Variants in CUX2 observed in about 807,000 individuals in gnomAD.
CUX2 encodes cut like homeobox 2.
Under a neutral mutation model 144.8 loss-of-function variants are expected in CUX2, and 40 were observed. The observed-to-expected ratio is 0.28, with a 90% confidence interval of 0.21 to 0.36. The LOEUF (loss-of-function observed/expected upper bound fraction) is 0.36. Ranked by LOEUF, CUX2 falls within the 10% of genes least tolerant of loss-of-function variation. CUX2 has a pLI of 1.00. For synonymous variants in CUX2, 827 were observed against 875.6 expected, an observed-to-expected ratio of 0.94 and a Z score of 0.98; for missense variants, 1,615 against 1,994.0, an observed-to-expected ratio of 0.81 and a Z score of 3.62.
chr12:111,314,277 A>G (rs943305436), intron 16 of CUX2, among the ~76,000 whole-genome samples: 3 of 152,170 alleles, frequency 2.0e-5, no homozygotes, highest in Admixed American at 6.5e-5. Context: ...ATAACTAGCC[A>G]GGGCTGGGTG....
chr12:111,087,983 A>G (rs948305463), intron 1 of CUX2, among the ~76,000 whole-genome samples: 2 of 152,228 alleles, frequency 1.3e-5, no homozygotes, highest in Non-Finnish European at 2.9e-5. Flanking sequence ...GGAACGAACT[A>G]TTGATAAGCT....
chr12:111,179,593 GGTT>G (rs150316221), intron 1 of CUX2, among the ~76,000 whole-genome samples: 26,003 of 151,272 alleles, frequency 0.17, 2,441 homozygotes, highest in East Asian at 0.43. Context: ...CCATCGCCGT[GGTT>G]GTTGTTGTTG....
rs550827337 is a variant in CUX2, at chr12:111,089,083, G to A, written c.63+54843G>A. Among the ~76,000 whole-genome samples, 75 of 152,322 alleles carry A rather than the reference G, an allele frequency of 4.9e-4. No individual in the cohort carries two copies. The Middle Eastern group carries it at 0.01, about 21-fold the overall frequency. On this transcript the variant is annotated intron_variant, in intron 1 of 21. Transcript: ENST00000261726. ...AGGAGACTGAGGCACGGGGCGAAGG[G>A]ACCTGCAGGATATTCCAAGTGGAGA...
chr12:111,098,486 A>C (rs1032622672), intron 1 of CUX2, among the ~76,000 whole-genome samples: 1 of 152,070 alleles, frequency 6.6e-6, no homozygotes, highest in Non-Finnish European at 1.5e-5. Flanking sequence ...TCCCGGGTAC[A>C]GGCCAACGAG....
At chr12:111,127,797 A>G (rs1875186740) in intron 1 of CUX2, among the ~76,000 whole-genome samples, 1 of 152,316 alleles carries the variant, frequency 6.6e-6, no homozygotes, top group African/African-American at 2.4e-5. Context: ...CCTCACAATC[A>G]TGGCAGAAGG....
At position 111,348,228 on chromosome 12, in the gene CUX2, TGCA is replaced by T; in HGVS notation, c.4367_4369del (p.Gln1456del). ...CCCAGTGCCAAGGTGAACCCCAACT[TGCA>T]GCGGCGGCATGAGAAGATGGCCAAT... On this transcript the variant is annotated inframe_deletion, in exon 22 of 22. Coordinates refer to ENST00000261726, the MANE Select transcript of CUX2 (RefSeq NM_015267.4). 6.2e-6 allele frequency: 10 copies of T among 1,613,972 alleles called. No individual in the cohort carries two copies. Among genetic ancestry groups the T allele is most frequent in the Non-Finnish European group, 8.5e-6 (10 of 1,180,014 alleles).
At position 111,171,591 on chromosome 12, in the gene CUX2, C is replaced by T. The variant is rs79589630; in HGVS notation, c.64-42609C>T. ...GTCTCCGGAGCACAGCCACCTGACACATCTGGGGCTATGGGACGGAAAAGC... is the reference window on the plus strand; with the variant it reads ...GTCTCCGGAGCACAGCCACCTGACATATCTGGGGCTATGGGACGGAAAAGC... On this transcript the variant is annotated intron_variant, in intron 1 of 21. Transcript: ENST00000261726. This position sits in a 1 kb window ranked among gnomAD's most constrained non-coding sequence, Gnocchi z 5.0. Among the ~76,000 whole-genome samples the T allele has an allele frequency of 4.2e-3, 637 of 152,254 alleles. 3 individuals are homozygous for T. The highest frequency in any genetic ancestry group is 0.015 in the African/African-American group (620 of 41,556).
intron 1 of CUX2, among the ~76,000 whole-genome samples, chr12:111,184,428 A>G (rs1879378922): frequency 6.6e-6 from 1 of 152,124 alleles, no homozygotes; most frequent in Non-Finnish European, 1.5e-5. Context: ...GTGACTGAAT[A>G]GATAAGACTC....
rs536993627 is a variant in CUX2 at position 111,068,313 on chromosome 12, C to G, written c.63+34073C>G. Among the ~76,000 whole-genome samples, 35 of 152,276 alleles carry G rather than the reference C, an allele frequency of 2.3e-4. No individual in the cohort carries two copies. The highest frequency in any genetic ancestry group is 8.4e-4 in the African/African-American group (35 of 41,548). The stretch of plus-strand genomic sequence containing the variant: ...GGATTTGCTCTGGGGTTGGCTTCCT[C>G]GAACCAAAATAACTCTCACAATGCA... On this transcript the variant is annotated intron_variant, in intron 1 of 21. Coordinates refer to ENST00000261726, the MANE Select transcript of CUX2 (RefSeq NM_015267.4). This position sits in a 1 kb window ranked among gnomAD's most constrained non-coding sequence, Gnocchi z 4.9.
intron 3 of CUX2, among the ~76,000 whole-genome samples, chr12:111,240,021 T>A (rs1882946634): frequency 6.6e-6 from 1 of 152,224 alleles, no homozygotes; most frequent in South Asian, 2.1e-4. Flanking sequence ...GGTTATAATA[T>A]TAGCTGTGCG....
At chr12:111,134,119 G>A (rs541315200) in intron 1 of CUX2, among the ~76,000 whole-genome samples, 1 of 152,336 alleles carries the variant, frequency 6.6e-6, no homozygotes, top group Admixed American at 6.5e-5. Flanking sequence ...ATGCATGGAA[G>A]CTTTCAGGCC....
intron 1 of CUX2, among the ~76,000 whole-genome samples, chr12:111,145,395 T>G (rs922817751): frequency 9.2e-5 from 14 of 152,208 alleles, no homozygotes; most frequent in African/African-American, 3.4e-4. Flanking sequence ...AGGGTCTCAC[T>G]CTGCCATCCA....
intron 1 of CUX2, among the ~76,000 whole-genome samples, chr12:111,211,778 G>A (rs73415971): frequency 0.013 from 2,012 of 152,064 alleles, 49 homozygotes; most frequent in African/African-American, 0.045. Context: ...ACAGCTACTC[G>A]GGAGGCTGGG....
chr12:111,209,985 C>G (rs1881124463), intron 1 of CUX2, among the ~76,000 whole-genome samples: 1 of 152,216 alleles, frequency 6.6e-6, no homozygotes. Flanking sequence ...TCAGATGAGT[C>G]TCCTCCCTGC....
intron 1 of CUX2, among the ~76,000 whole-genome samples, chr12:111,094,328 CG>C (rs2136058727): frequency 6.6e-6 from 1 of 152,244 alleles, no homozygotes; most frequent in East Asian, 1.9e-4. Flanking sequence ...CGGAAGGGCC[CG>C]AGAAGTGGAC....
chr12:111,079,817 G>T (rs1202011221), intron 1 of CUX2, among the ~76,000 whole-genome samples: 1 of 152,180 alleles, frequency 6.6e-6, no homozygotes, highest in East Asian at 1.9e-4. Flanking sequence ...CCAAGTGTGG[G>T]TTTGGGACTG....
chr12:111,038,737 A>G (rs1474750762), intron 1 of CUX2, among the ~76,000 whole-genome samples: 1 of 152,240 alleles, frequency 6.6e-6, no homozygotes, highest in Non-Finnish European at 1.5e-5. Flanking sequence ...AAGAAAAAAC[A>G]AGCAACATCT....
intron 4 of CUX2, among the ~76,000 whole-genome samples, chr12:111,283,256 G>T (rs1475232836): frequency 6.6e-6 from 1 of 152,054 alleles, no homozygotes; most frequent in South Asian, 2.1e-4. Flanking sequence ...AGTCACATGG[G>T]GGGCAGGTTA....
chr12:111,200,774 C>G (rs937018527), intron 1 of CUX2, among the ~76,000 whole-genome samples: 5 of 152,142 alleles, frequency 3.3e-5, no homozygotes. Context: ...ACATTTAGTT[C>G]GACCTCTCAT....
Sources: gnomAD v4.1 joint callset for allele counts (sites outside exome capture counted in the v4.1 genomes callset) on GRCh38, gnomAD v4.1.1 for gene constraint, Gnocchi (gnomAD v3.1) non-coding constraint, MANE v1.5 for transcripts, NCBI Gene and HGNC (gene_info 2026-07-23, HGNC 2026-07-21) for gene names.